The following CAMKMT variants were observed in gnomAD, a reference collection of about 807,000 sequenced individuals.
CAMKMT encodes the protein CaM KMT.
CAMKMT carries 53 observed loss-of-function variants against 48.0 expected under a neutral mutation model. The observed-to-expected ratio is 1.10, with a 90% CI of 0.89 to 1.39. The LOEUF is 1.39. Among genes scored for constraint, CAMKMT ranks in the 40% most tolerant of loss-of-function variants. CAMKMT has a pLI of 0.00. For missense variants in CAMKMT, 428 were observed against 402.7 expected (o/e 1.06, Z -0.54); for synonymous variants, 165 against 152.3 (o/e 1.08, Z -0.61).
chr2:44,695,197 G>T (rs1049900308), intron 3 of CAMKMT, among the ~76,000 whole-genome samples: 10 of 152,038 alleles, frequency 6.6e-5, no homozygotes, highest in African/African-American at 2.4e-4. Context: ...AAGTTCAGAG[G>T]TACATGTGCA....
At chr2:44,680,518 T>G (rs13423477) in intron 3 of CAMKMT, among the ~76,000 whole-genome samples, 80,077 of 152,022 alleles carry the variant, frequency 0.53, 21,975 homozygotes, top group African/African-American at 0.61. Flanking sequence ...GCCGGCCAGC[T>G]CAGCCTGGGT....
chr2:44,596,265 A>G (rs768846117), intron 3 of CAMKMT, among the ~76,000 whole-genome samples: 2 of 152,010 alleles, frequency 1.3e-5, no homozygotes, highest in Non-Finnish European at 2.9e-5. Flanking sequence ...CCTGGCCAAC[A>G]TGGTGAAACC....
intron 3 of CAMKMT, among the ~76,000 whole-genome samples, chr2:44,558,193 C>T (rs1393539449): frequency 6.6e-6 from 1 of 152,072 alleles, no homozygotes; most frequent in East Asian, 1.9e-4. Flanking sequence ...TACCCACCAC[C>T]ACACTCAGCT....
intron 3 of CAMKMT, among the ~76,000 whole-genome samples, chr2:44,503,382 T>C (rs1254500397): frequency 6.6e-6 from 1 of 152,174 alleles, no homozygotes; most frequent in Non-Finnish European, 1.5e-5. Context: ...GATGGTCTAT[T>C]GGGAAATCAG....
At chr2:44,599,946 CTT>C (rs1670886518) in intron 3 of CAMKMT, among the ~76,000 whole-genome samples, 1 of 151,816 alleles carries the variant, frequency 6.6e-6, no homozygotes, top group Non-Finnish European at 1.5e-5. Context: ...ACTCTATGGA[CTT>C]TGAATAACTA....
intron 1 of CAMKMT, among the ~76,000 whole-genome samples, chr2:44,367,625 C>T (rs1678739821): frequency 6.7e-6 from 1 of 150,238 alleles, no homozygotes; most frequent in African/African-American, 2.5e-5. Context: ...AAGGGGTACT[C>T]ATTCTATATT....
chr2:44,669,172 G>A (rs971034330), intron 3 of CAMKMT, among the ~76,000 whole-genome samples: 7 of 151,874 alleles, frequency 4.6e-5, no homozygotes, highest in African/African-American at 1.7e-4. Context: ...TGCATGTTTT[G>A]GACTTATGTA....
intron 7 of CAMKMT, among the ~76,000 whole-genome samples, chr2:44,726,735 A>G (rs1678808541): frequency 6.6e-6 from 1 of 152,078 alleles, no homozygotes; most frequent in Non-Finnish European, 1.5e-5. Context: ...GTCTTCCAGG[A>G]TTTTTGTAGT....
intron 3 of CAMKMT, among the ~76,000 whole-genome samples, chr2:44,506,098 C>T (rs1670247882): frequency 6.6e-6 from 1 of 152,100 alleles, no homozygotes; most frequent in African/African-American, 2.4e-5. Flanking sequence ...TCAAGCAGTT[C>T]ATTCCACCGT....
intron 2 of CAMKMT, among the ~76,000 whole-genome samples, chr2:44,373,756 A>G (rs1354915532): frequency 2.0e-5 from 3 of 152,298 alleles, no homozygotes; most frequent in South Asian, 2.1e-4. Flanking sequence ...ATAGCTAAAA[A>G]TTGGGATTTG....
At chr2:44,672,350 CA>C (rs1400997168) in intron 3 of CAMKMT, among the ~76,000 whole-genome samples, 1 of 152,152 alleles carries the variant, frequency 6.6e-6, no homozygotes, top group African/African-American at 2.4e-5. Flanking sequence ...GAGCTTTTTA[CA>C]ATTTCAATTT....
intron 3 of CAMKMT, among the ~76,000 whole-genome samples, chr2:44,563,991 A>C (rs1668474016): frequency 1.3e-5 from 2 of 152,152 alleles, no homozygotes; most frequent in Admixed American, 1.3e-4. Context: ...GTATATACCC[A>C]GTAATGGGAT....
chr2:44,616,589 G>C (rs1671904025), intron 3 of CAMKMT, among the ~76,000 whole-genome samples: 2 of 151,936 alleles, frequency 1.3e-5, no homozygotes, highest in African/African-American at 2.4e-5. Context: ...CAAGCAGTAA[G>C]GTTTCTTGTC....
chr2:44,484,357 C>A lies in CAMKMT; in HGVS notation c.376+94052C>A, dbSNP rs1029307458. ...TATAAAGCTACAGTAATTAAGATAG[C>A]GTGGTATTGGTGTAAGGATTGATGA... On this transcript the variant is annotated intron_variant, in intron 3 of 10. Transcript: ENST00000378494. 7.2e-5 allele frequency among the ~76,000 whole-genome samples: 11 copies of A among 151,800 alleles called. No individual in the cohort carries two copies. In the East Asian group the frequency reaches 2.1e-3, roughly 29 times the overall value.
chr2:44,427,876 G>T (rs114261469), intron 3 of CAMKMT, among the ~76,000 whole-genome samples: 2,032 of 152,244 alleles, frequency 0.013, 44 homozygotes, highest in African/African-American at 0.047. Flanking sequence ...GGGTTGGCTC[G>T]TTTGCTCAGC....
intron 3 of CAMKMT, among the ~76,000 whole-genome samples, chr2:44,518,909 C>G (rs930884705): frequency 6.6e-6 from 1 of 152,174 alleles, no homozygotes; most frequent in African/African-American, 2.4e-5. Context: ...GGAAGATAGG[C>G]TCCAGCTTTT....
chr2:44,711,596 G>A (rs553528806), intron 6 of CAMKMT, among the ~76,000 whole-genome samples: 9 of 152,126 alleles, frequency 5.9e-5, no homozygotes, highest in Non-Finnish European at 1.0e-4. Context: ...GATTACAGGC[G>A]TGAGCCACTG....
intron 3 of CAMKMT, among the ~76,000 whole-genome samples, chr2:44,592,666 T>C (rs1181314213): frequency 6.6e-6 from 1 of 152,218 alleles, no homozygotes; most frequent in East Asian, 1.9e-4. Context: ...GGTATGTAAG[T>C]ATAGGAAAAA....
intron 3 of CAMKMT, among the ~76,000 whole-genome samples, chr2:44,503,277 A>G (rs1670095355): frequency 6.6e-6 from 1 of 152,152 alleles, no homozygotes; most frequent in Non-Finnish European, 1.5e-5. Flanking sequence ...CCTTTGTTAG[A>G]AACTTTGCAT....
Sources: gnomAD v4.1 joint callset for allele counts (sites outside exome capture counted in the v4.1 genomes callset) on GRCh38, gnomAD v4.1.1 for gene constraint, MANE v1.5 for transcripts, NCBI Gene and HGNC (gene_info 2026-07-23, HGNC 2026-07-21) for gene names.